The following PCDH7 variants were observed in gnomAD, a reference collection of about 807,000 sequenced individuals.
The protein encoded by PCDH7 is protocadherin-7.
PCDH7 carries 17 observed loss-of-function variants against 58.9 expected under a neutral mutation model. That is an observed-to-expected ratio of 0.29 (90% confidence interval 0.20 to 0.43). PCDH7 has a LOEUF of 0.43. PCDH7 is among the 20% of genes least tolerant of loss of function. PCDH7 has a pLI of 1.00. For synonymous variants in PCDH7, 664 were observed against 616.4 expected, an observed-to-expected ratio of 1.08 and a Z score of -1.14; for missense variants, 1,274 against 1,441.0, an observed-to-expected ratio of 0.88 and a Z score of 1.88.
rs1714181612 is a variant in PCDH7, at chr4:30,723,821, T to C, written c.2399T>C (p.Val800Ala). 4 of 1,614,032 alleles carry C rather than the reference T, an allele frequency of 2.5e-6. No homozygotes were observed. The highest frequency in any genetic ancestry group is 3.4e-6 in the Non-Finnish European group (4 of 1,180,044). Residue 800 changes from valine (V) to alanine (A), a missense_variant, in exon 1 of 2, where the codon GTG (valine) becomes GCG (alanine). Coordinates refer to ENST00000361762, the Ensembl canonical transcript of PCDH7. This position sits in a 1 kb window ranked among gnomAD's most constrained non-coding sequence, Gnocchi z 4.6. ...TTTGAAATTGATCCCACTAGTGGTGTGGTTTCCTTAGTGGGAAAACTCACC... is the reference window on the plus strand; with the variant it reads ...TTTGAAATTGATCCCACTAGTGGTGCGGTTTCCTTAGTGGGAAAACTCACC...
intron 3 of PCDH7, among the ~76,000 whole-genome samples, chr4:31,135,747 A>G (rs1354405169): frequency 2.6e-5 from 4 of 152,196 alleles, no homozygotes; most frequent in East Asian, 1.9e-4. Flanking sequence ...CTATAGTAAA[A>G]CATATGAATA....
At chr4:30,830,090 C>G (rs546615444) in intron 1 of PCDH7, among the ~76,000 whole-genome samples, 24 of 152,120 alleles carry the variant, frequency 1.6e-4, no homozygotes, top group African/African-American at 5.5e-4. Flanking sequence ...TTAATAGACT[C>G]TCATCTTGAG....
chr4:30,858,776 G>A (rs1036989640), intron 1 of PCDH7, among the ~76,000 whole-genome samples: 3 of 151,990 alleles, frequency 2.0e-5, no homozygotes, highest in Non-Finnish European at 2.9e-5. Context: ...TCTTCATCTT[G>A]TTATCATGCT....
At chr4:31,068,679 G>A (rs906790079) in intron 3 of PCDH7, among the ~76,000 whole-genome samples, 1 of 151,990 alleles carries the variant, frequency 6.6e-6, no homozygotes, top group Non-Finnish European at 1.5e-5. Context: ...GGGATTCCAA[G>A]GAAGCAGGAC....
At chr4:31,014,934 T>C (rs1297073329) in intron 3 of PCDH7, among the ~76,000 whole-genome samples, 1 of 152,142 alleles carries the variant, frequency 6.6e-6, no homozygotes, top group African/African-American at 2.4e-5. Flanking sequence ...AGTTCTAGAA[T>C]ATAAGCTAAT....
intron 3 of PCDH7, among the ~76,000 whole-genome samples, chr4:31,053,688 A>G (rs1245714878): frequency 6.6e-6 from 1 of 152,240 alleles, no homozygotes; most frequent in Non-Finnish European, 1.5e-5. Flanking sequence ...GACCCTCTGC[A>G]TGGTACACTC....
intron 3 of PCDH7, among the ~76,000 whole-genome samples, chr4:31,110,128 C>A (rs1200347430): frequency 6.6e-6 from 1 of 152,184 alleles, no homozygotes; most frequent in Non-Finnish European, 1.5e-5. Flanking sequence ...CTTACACCAA[C>A]CATGAATGGT....
At chr4:31,081,704 AAGTC>A (rs1448209103) in intron 3 of PCDH7, among the ~76,000 whole-genome samples, 2 of 152,146 alleles carry the variant, frequency 1.3e-5, no homozygotes, top group Non-Finnish European at 2.9e-5. Flanking sequence ...AGAAAGTCAA[AAGTC>A]AGATAGCCTA....
chr4:30,758,723 T>C (rs1719638036), intron 1 of PCDH7, among the ~76,000 whole-genome samples: 1 of 152,182 alleles, frequency 6.6e-6, no homozygotes, highest in African/African-American at 2.4e-5. Flanking sequence ...TTGCACTAAG[T>C]ATTGCACTAA....
intron 1 of PCDH7, among the ~76,000 whole-genome samples, chr4:30,889,249 T>C (rs1240983459): frequency 6.6e-6 from 1 of 151,832 alleles, no homozygotes; most frequent in East Asian, 1.9e-4. Context: ...AATTAAGCAT[T>C]TATGACGTAG....
rs569821735 is a variant in PCDH7, at chr4:31,068,790, T to C, written c.*8-73683T>C. 3.3e-5 allele frequency among the ~76,000 whole-genome samples: 5 copies of C among 152,138 alleles called. No homozygotes were observed. In the South Asian group the frequency reaches 1.0e-3, roughly 32 times the overall value. On this transcript the variant is annotated intron_variant, in intron 3 of 3. Transcript: ENST00000509759. ...GACATTGTTCTTTATCATTGTTTCC[T>C]TAGCTTCTGAATTTTTGTTCCAGGG...
intron 3 of PCDH7, among the ~76,000 whole-genome samples, chr4:31,023,005 C>T (rs1754148316): frequency 6.6e-6 from 1 of 152,150 alleles, no homozygotes; most frequent in South Asian, 2.1e-4. Flanking sequence ...ACTATCTTTG[C>T]TCAGAACAAG....
intron 3 of PCDH7, among the ~76,000 whole-genome samples, chr4:31,116,157 A>G (rs1716957707): frequency 6.6e-6 from 1 of 152,180 alleles, no homozygotes; most frequent in Non-Finnish European, 1.5e-5. Flanking sequence ...ACACTACAAG[A>G]GTCTGTTTTA....
chr4:31,070,805 A>G (rs1299990697), intron 3 of PCDH7, among the ~76,000 whole-genome samples: 1 of 152,106 alleles, frequency 6.6e-6, no homozygotes, highest in Non-Finnish European at 1.5e-5. Context: ...AAGTTTTATT[A>G]ATTTTTGTCC....
chr4:31,063,552 A>G (rs1757855947), intron 3 of PCDH7, among the ~76,000 whole-genome samples: 1 of 151,752 alleles, frequency 6.6e-6, no homozygotes. Flanking sequence ...ATTTTCCTCC[A>G]TTTCACATTT....
intron 3 of PCDH7, among the ~76,000 whole-genome samples, chr4:30,995,666 T>G (rs896269342): frequency 6.6e-6 from 1 of 152,182 alleles, no homozygotes; most frequent in Non-Finnish European, 1.5e-5. Flanking sequence ...TGAACTAGAA[T>G]CAAGGTGTCA....
Position 30,979,064 on chromosome 4 carries a change from A to AGT in PCDH7, c.*7+28851_*7+28852dup, listed in dbSNP as rs550888268. ...TAGTGAGGCATCAGATGGCTGAATG[A>AGT]GTGATCCTTAAAAAAAAATTGGGGG... On this transcript the variant is annotated intron_variant, in intron 3 of 3. Coordinates refer to the PCDH7 transcript ENST00000509759. Among the ~76,000 whole-genome samples the AGT allele has an allele frequency of 1.4e-3, 216 of 152,164 alleles. 1 individual carries two copies. Among genetic ancestry groups the AGT allele is most frequent in the Non-Finnish European group, 2.3e-3 (157 of 67,982 alleles).
intron 1 of PCDH7, among the ~76,000 whole-genome samples, chr4:30,792,194 T>C (rs1186207389): frequency 6.6e-6 from 1 of 152,198 alleles, no homozygotes; most frequent in Admixed American, 6.5e-5. Flanking sequence ...TTGGAGAAGA[T>C]AAAATGAGCA....
At chr4:30,941,482 AAATTGACTCAG>A (rs1746035686) in intron 2 of PCDH7, among the ~76,000 whole-genome samples, 1 of 151,952 alleles carries the variant, frequency 6.6e-6, no homozygotes, top group African/African-American at 2.4e-5. Context: ...TTATGTGGCT[AAATTGACTCAG>A]AATTGACAAC....
Sources: gnomAD v4.1 joint callset for allele counts (sites outside exome capture counted in the v4.1 genomes callset) on GRCh38, gnomAD v4.1.1 for gene constraint, Gnocchi (gnomAD v3.1) non-coding constraint, MANE v1.5 for transcripts, NCBI Gene and HGNC (gene_info 2026-07-23, HGNC 2026-07-21) for gene names.